Variants in ZNF827 observed in about 807,000 individuals in gnomAD.
ZNF827 encodes zinc finger protein 827.
ZNF827 carries 13 observed loss-of-function variants against 102.4 expected under a neutral mutation model. The ratio of observed to expected loss-of-function variants is 0.13; its 90% CI spans 0.08 to 0.20. The LOEUF is 0.20. Among genes scored for constraint, ZNF827 ranks in the 10% least tolerant of loss-of-function variants. ZNF827 has a pLI of 1.00. For missense variants in ZNF827, 1,103 were observed against 1,344.4 expected, an observed-to-expected ratio of 0.82 and a Z score of 2.81; for synonymous variants, 523 against 536.2, an observed-to-expected ratio of 0.98 and a Z score of 0.34.
At chr4:145,927,757 C>T (rs1222600515) in intron 1 of ZNF827, among the ~76,000 whole-genome samples, 2 of 152,202 alleles carry the variant, frequency 1.3e-5, no homozygotes, top group Admixed American at 1.3e-4. Context: ...TAATTTCTTC[C>T]TTTCTCTGGG....
intron 8 of ZNF827, among the ~76,000 whole-genome samples, chr4:145,809,103 G>T (rs1252340121): frequency 6.6e-6 from 1 of 152,188 alleles, no homozygotes; most frequent in Admixed American, 6.5e-5. Context: ...GCCCAGCCTA[G>T]CGTCATATTT....
At chr4:145,787,925 C>G (rs115436184) in intron 8 of ZNF827, among the ~76,000 whole-genome samples, 1,721 of 152,226 alleles carry the variant, frequency 0.011, 39 homozygotes, top group African/African-American at 0.04. Context: ...CATCCTGCCC[C>G]AAACCCAAGA....
intron 8 of ZNF827, among the ~76,000 whole-genome samples, chr4:145,780,320 CT>C (rs1737784172): frequency 6.6e-6 from 1 of 152,232 alleles, no homozygotes; most frequent in Admixed American, 6.5e-5. Context: ...AAGCTTTGCT[CT>C]TCATTCCAGT....
At chr4:145,797,749 T>C (rs1026371522) in intron 8 of ZNF827, among the ~76,000 whole-genome samples, 3 of 152,212 alleles carry the variant, frequency 2.0e-5, no homozygotes, top group East Asian at 3.8e-4. Flanking sequence ...CTATAATATG[T>C]TGAGTTTTAA....
chr4:145,860,986 G>A (rs1387537449), intron 5 of ZNF827, among the ~76,000 whole-genome samples: 1 of 152,178 alleles, frequency 6.6e-6, no homozygotes, highest in Non-Finnish European at 1.5e-5. Context: ...GTGCACAGAT[G>A]CGCTGAGTAG....
At chr4:145,817,365 C>T (rs1185137928) in intron 8 of ZNF827, among the ~76,000 whole-genome samples, 1 of 152,184 alleles carries the variant, frequency 6.6e-6, no homozygotes, top group Non-Finnish European at 1.5e-5. Flanking sequence ...AGTGCCATAA[C>T]AGATGTGTAT....
chr4:145,778,278 C>T (rs1242794219), intron 9 of ZNF827, among the ~76,000 whole-genome samples: 10 of 152,120 alleles, frequency 6.6e-5, no homozygotes, highest in Non-Finnish European at 1.2e-4. Flanking sequence ...GGATTACAAG[C>T]GTGCACCACC....
rs192786473 is a variant in ZNF827, at chr4:145,806,032, C to A, written c.2383+17390G>T. On this transcript the variant is annotated intron_variant, in intron 8 of 14. Coordinates refer to ENST00000508784, the MANE Select transcript of ZNF827 (RefSeq NM_001306215.2). ...GTACTAGTTTATTGTCTGCCTCCCC[C>A]TCTAGGGTGTATACTTCATGAGGAC... Among the ~76,000 whole-genome samples, 815 of 152,174 alleles carry A rather than the reference C, an allele frequency of 5.4e-3. 1 individual carries two copies. Among genetic ancestry groups the A allele is most frequent in the Non-Finnish European group, 7.7e-3 (526 of 68,016 alleles).
intron 8 of ZNF827, among the ~76,000 whole-genome samples, chr4:145,812,491 CA>C (rs1174430610): frequency 7.0e-6 from 1 of 142,852 alleles, no homozygotes; most frequent in Non-Finnish European, 1.5e-5. Flanking sequence ...CAAGGTAAAC[CA>C]TTTTATATTT....
chr4:145,844,459 C>T (rs967965176), intron 7 of ZNF827, among the ~76,000 whole-genome samples: 12 of 150,748 alleles, frequency 8.0e-5, no homozygotes, highest in African/African-American at 2.4e-4. Context: ...GCAGGCAGAT[C>T]GCTTGAGCTC....
chr4:145,807,100 T>G (rs986834356), intron 8 of ZNF827, among the ~76,000 whole-genome samples: 1 of 152,218 alleles, frequency 6.6e-6, no homozygotes, highest in Non-Finnish European at 1.5e-5. Context: ...ATGTGTAACT[T>G]TAACGTTTCT....
At chr4:145,788,076 C>T (rs981974488) in intron 8 of ZNF827, among the ~76,000 whole-genome samples, 4 of 152,184 alleles carry the variant, frequency 2.6e-5, no homozygotes, top group Non-Finnish European at 5.9e-5. Context: ...CACAGTCTGC[C>T]TGCTCCTCTA....
In ZNF827 at chr4:145,759,537, A is replaced by G. The variant is rs1734232799; in HGVS notation, c.*2079T>C. On this transcript the variant is annotated 3_prime_UTR_variant, in exon 15 of 15. Coordinates refer to ENST00000508784, the MANE Select transcript of ZNF827 (RefSeq NM_001306215.2). ...TTAGCCAGAAGATCGGCAAAACACA[A>G]TGGAAACTTGTCAGGGGCATAAACT... The G allele has an allele frequency of 6.6e-6, 1 of 152,204 alleles. No homozygotes were observed. The highest frequency in any genetic ancestry group is 2.1e-4 in the South Asian group (1 of 4,828). The allele number at this position is 152,204 out of a possible 1,614,324, so 9.4% of individuals were successfully genotyped here. A position where few individuals can be genotyped will look rare whatever the true frequency, so the allele number is the denominator to read the frequency against.
At chr4:145,767,191 G>T (rs1279900233) in intron 11 of ZNF827, among the ~76,000 whole-genome samples, 2 of 152,202 alleles carry the variant, frequency 1.3e-5, no homozygotes, top group African/African-American at 4.8e-5. Context: ...AAGAAGTTAA[G>T]TAGAGACATG....
intron 3 of ZNF827, among the ~76,000 whole-genome samples, chr4:145,890,473 A>T (rs1750506585): frequency 6.6e-6 from 1 of 152,190 alleles, no homozygotes; most frequent in African/African-American, 2.4e-5. Context: ...TTTCAGGGTC[A>T]GTAGTTCCTG....
chr4:145,819,631 T>C (rs900787295), intron 8 of ZNF827, among the ~76,000 whole-genome samples: 1 of 152,236 alleles, frequency 6.6e-6, no homozygotes, highest in Non-Finnish European at 1.5e-5. Flanking sequence ...TCCCCCATGA[T>C]AGGAAAGCTC....
chr4:145,925,763 T>A (rs62326218), intron 1 of ZNF827, among the ~76,000 whole-genome samples: 3,911 of 152,324 alleles, frequency 0.026, 76 homozygotes, highest in Middle Eastern at 0.065. Flanking sequence ...AAAGCAGTAC[T>A]TTAGAGAATT....
intron 1 of ZNF827, among the ~76,000 whole-genome samples, chr4:145,909,679 T>C (rs1448744891): frequency 1.3e-5 from 2 of 152,198 alleles, no homozygotes; most frequent in Non-Finnish European, 2.9e-5. Context: ...ACCTCTATAA[T>C]GTTTAATAAA....
chr4:145,865,341 C>T (rs1748092943), intron 5 of ZNF827, among the ~76,000 whole-genome samples: 1 of 152,142 alleles, frequency 6.6e-6, no homozygotes, highest in Non-Finnish European at 1.5e-5. Context: ...TTTAATAGAG[C>T]TTTGTTCTCT....
Sources: allele counts gnomAD v4.1 joint callset (sites outside exome capture counted in the v4.1 genomes callset), GRCh38; gene constraint gnomAD v4.1.1; transcripts MANE v1.5; gene names NCBI Gene and HGNC (gene_info 2026-07-23, HGNC 2026-07-21).